PCSK5: variants seen among roughly 807,000 people sequenced by gnomAD.
The protein encoded by PCSK5 is prohormone convertase 5.
Under a neutral mutation model 233.2 loss-of-function variants are expected in PCSK5, and 129 were observed. The observed-to-expected ratio is 0.55, with a 90% CI of 0.48 to 0.64. The LOEUF (loss-of-function observed/expected upper bound fraction) is 0.64. Among genes scored for constraint, PCSK5 ranks in the 30% least tolerant of loss-of-function variants. The pLI, the probability that PCSK5 is intolerant of heterozygous loss-of-function variation, is 0.00. For missense variants in PCSK5, 2,076 were observed against 2,430.1 expected, an observed-to-expected ratio of 0.85 and a Z score of 3.06; for synonymous variants, 825 against 879.2, an observed-to-expected ratio of 0.94 and a Z score of 1.09.
intron 3 of PCSK5, among the ~76,000 whole-genome samples, chr9:76,017,918 AC>A (rs1828015355): frequency 6.6e-6 from 1 of 151,478 alleles, no homozygotes; most frequent in Non-Finnish European, 1.5e-5. Flanking sequence ...CTCAAAAAGA[AC>A]CCATCAACTT....
At chr9:76,275,226 AT>A (rs1397847246) in intron 24 of PCSK5, among the ~76,000 whole-genome samples, 3 of 151,930 alleles carry the variant, frequency 2.0e-5, no homozygotes, top group African/African-American at 7.3e-5. Context: ...GACCAAGATA[AT>A]TTTTTCCTGT....
chr9:76,029,394 C>G (rs1828563996), intron 5 of PCSK5, among the ~76,000 whole-genome samples: 1 of 152,016 alleles, frequency 6.6e-6, no homozygotes, highest in African/African-American at 2.4e-5. Context: ...AATAAAAACT[C>G]AAAAACAACT....
chr9:76,159,638 C>T (rs1484638395), intron 12 of PCSK5, among the ~76,000 whole-genome samples: 1 of 152,042 alleles, frequency 6.6e-6, no homozygotes, highest in Non-Finnish European at 1.5e-5. Context: ...CTGTGTAAGC[C>T]AGGTCTTTAT....
At position 76,096,063 on chromosome 9, in the gene PCSK5, C is replaced by T; in HGVS notation, c.1068C>T (p.Ala356=). ...TGGAAGAGTGTTCATCCACGCTGGC[C>T]ACAACCTACAGCAGCGGGGAGTCCT... ...WYLEECSSTL[A]TTYSSGESYD... is the part of the protein sequence containing the mutation. Residue 356 remains alanine, a synonymous_variant, in exon 8 of 38, where the codon GCC becomes GCT. Coordinates refer to ENST00000674117, the MANE Select transcript of PCSK5 (RefSeq NM_001372043.1). 1.2e-6 allele frequency: 2 copies of T among 1,614,028 alleles called. No homozygotes were observed. The highest frequency in any genetic ancestry group is 1.1e-5 in the South Asian group (1 of 91,068).
At chr9:76,182,317 G>A (rs1209328394) in intron 16 of PCSK5, among the ~76,000 whole-genome samples, 1 of 152,112 alleles carries the variant, frequency 6.6e-6, no homozygotes, top group Non-Finnish European at 1.5e-5. Context: ...CAAAAAATAT[G>A]ACTGTCTTTT....
At chr9:76,209,106 A>G (rs1825228130) in intron 20 of PCSK5, among the ~76,000 whole-genome samples, 1 of 152,256 alleles carries the variant, frequency 6.6e-6, no homozygotes, top group Admixed American at 6.5e-5. Flanking sequence ...TCAAGCCTAG[A>G]TAGAATAGGG....
intron 37 of PCSK5, among the ~76,000 whole-genome samples, chr9:76,357,590 A>T (rs756232500): frequency 3.3e-5 from 5 of 152,174 alleles, no homozygotes; most frequent in Non-Finnish European, 7.3e-5. Context: ...TAAAGATAGT[A>T]CTTCTTTTTC....
chr9:76,308,777 G>C, intron 29 of PCSK5, 49 bp downstream of exon 29: 1 of 1,184,346 alleles, frequency 8.4e-7, no homozygotes, highest in Non-Finnish European at 1.3e-6. Flanking sequence ...CCAAGTCATT[G>C]AAACTCATGT....
In PCSK5 at chr9:76,361,489, C is replaced by T. The variant is rs1830431397; in HGVS notation, c.*2567C>T. 1 of 152,172 alleles carries T rather than the reference C, an allele frequency of 6.6e-6. No homozygotes were observed. Among genetic ancestry groups the T allele is most frequent in the Admixed American group, 6.6e-5 (1 of 15,266 alleles). The allele number at this position is 152,172 out of a possible 1,614,324, so 9.4% of individuals were successfully genotyped here. A position where few individuals can be genotyped will look rare whatever the true frequency, so the allele number is the denominator to read the frequency against. ...CTGACCCACCACCTGTTCTTGAGCC[C>T]AGGAGTTCGACATCAGCCTTGGACA... On this transcript the variant is annotated 3_prime_UTR_variant, in exon 38 of 38. Transcript: ENST00000674117.
intron 20 of PCSK5, among the ~76,000 whole-genome samples, chr9:76,220,191 A>G (rs1182872654): frequency 2.0e-5 from 3 of 152,216 alleles, no homozygotes; most frequent in Non-Finnish European, 4.4e-5. Context: ...CACAGGTTCA[A>G]TGAGAAGCTT....
intron 20 of PCSK5, among the ~76,000 whole-genome samples, chr9:76,199,347 G>T (rs772882118): frequency 1.8e-4 from 28 of 152,144 alleles, no homozygotes; most frequent in Non-Finnish European, 4.0e-4. Context: ...TAAATATATG[G>T]TATAATCTTA....
At chr9:76,338,201 T>G in intron 34 of PCSK5, 29 bp from the exon 35 acceptor site, 1 of 1,525,504 alleles carries the variant, frequency 6.6e-7, no homozygotes, top group Admixed American at 1.8e-5. Flanking sequence ...AAGCTTACTA[T>G]TCCATCTTTT....
chr9:76,276,339 A>G (rs1023723805), intron 24 of PCSK5, among the ~76,000 whole-genome samples: 7 of 152,246 alleles, frequency 4.6e-5, no homozygotes, highest in Non-Finnish European at 8.8e-5. Context: ...ATTACCACAC[A>G]GTAGACACAG....
intron 3 of PCSK5, among the ~76,000 whole-genome samples, chr9:76,003,378 A>G (rs1827343473): frequency 6.6e-6 from 1 of 152,208 alleles, no homozygotes; most frequent in South Asian, 2.1e-4. Context: ...GTCTCAAAGA[A>G]ATAAAAATAA....
chr9:75,896,347 CTT>C (rs1188046260), intron 1 of PCSK5, among the ~76,000 whole-genome samples: 2 of 152,174 alleles, frequency 1.3e-5, no homozygotes, highest in African/African-American at 4.8e-5. Context: ...AGGCAGCTGA[CTT>C]TGCCTTATCA....
chr9:75,949,902 G>A (rs1824766456), intron 2 of PCSK5, among the ~76,000 whole-genome samples: 2 of 152,122 alleles, frequency 1.3e-5, no homozygotes, highest in Non-Finnish European at 2.9e-5. Flanking sequence ...GGCATGCAGT[G>A]CATAATAATC....
intron 4 of PCSK5, among the ~76,000 whole-genome samples, chr9:76,026,214 A>AT (rs1828418991): frequency 6.6e-6 from 1 of 152,180 alleles, no homozygotes; most frequent in Non-Finnish European, 1.5e-5. Flanking sequence ...TAATGCAGGT[A>AT]TTTTTCACAA....
intron 5 of PCSK5, among the ~76,000 whole-genome samples, chr9:76,051,353 T>C (rs979625746): frequency 6.6e-6 from 1 of 152,210 alleles, no homozygotes; most frequent in Non-Finnish European, 1.5e-5. Context: ...CCTGCGTTAT[T>C]CAGCTTTGTA....
intron 7 of PCSK5, among the ~76,000 whole-genome samples, chr9:76,094,096 C>T (rs1406046725): frequency 6.6e-6 from 1 of 152,110 alleles, no homozygotes; most frequent in East Asian, 1.9e-4. Flanking sequence ...ATTTCCAATT[C>T]CTGGGTAATT....
Sources: gnomAD v4.1 joint callset for allele counts (sites outside exome capture counted in the v4.1 genomes callset) on GRCh38, gnomAD v4.1.1 for gene constraint, MANE v1.5 for transcripts, NCBI Gene and HGNC (gene_info 2026-07-23, HGNC 2026-07-21) for gene names.